The following ZNF490 variants were observed in gnomAD, a reference collection of about 807,000 sequenced individuals.
ZNF490 encodes the protein zinc finger protein 490.
In ZNF490, 11 loss-of-function variants were observed where a neutral mutation model predicts 17.7. The ratio of observed to expected loss-of-function variants is 0.62; its 90% confidence interval spans 0.39 to 1.03. The LOEUF (loss-of-function observed/expected upper bound fraction) is 1.03. Among genes scored for constraint, ZNF490 ranks in the 50% least tolerant of loss-of-function variants. The probability of loss-of-function intolerance (pLI) is 0.00; values close to 1 mark genes in which losing one functional copy is unlikely to be tolerated. For missense variants in ZNF490, 542 were observed against 643.4 expected (o/e 0.84, Z 1.71); for synonymous variants, 222 against 216.1 (o/e 1.03, Z -0.24).
Position 12,580,491 on chromosome 19 carries a change from C to T in ZNF490, c.1584G>A (p.Lys528=), listed in dbSNP as rs371573362. 39 of 1,585,490 alleles carry T rather than the reference C, an allele frequency of 2.5e-5. No homozygotes were observed. The East Asian group carries it at 6.9e-4, about 28-fold the overall frequency. ...HVHERTHSRQ[K]P ...ATTACCACACTTTACTTTCTTAGGG[C>T]TTCTGTCTACTATGAGTCCTTTCGT... is the stretch of plus-strand genomic sequence containing the variant. The change falls in exon 5 of 5, where the codon AAG becomes AAA. Residue 528 remains lysine (K), a synonymous_variant. Coordinates refer to ENST00000311437, the MANE Select transcript of ZNF490 (RefSeq NM_020714.3).
chr19:12,603,580 C>T (rs1429775319), intron 2 of ZNF490, among the ~76,000 whole-genome samples: 1 of 152,028 alleles, frequency 6.6e-6, no homozygotes, highest in East Asian at 1.9e-4. Flanking sequence ...TGCTTGAGCT[C>T]AGGTGTTTGA....
At chr19:12,601,258 G>A (rs1249035246) in intron 2 of ZNF490, among the ~76,000 whole-genome samples, 1 of 151,484 alleles carries the variant, frequency 6.6e-6, no homozygotes, top group Admixed American at 6.6e-5. Context: ...CGTGGTGGCG[G>A]GCACCTGTAG....
rs1167445925 is a variant in ZNF490 at position 12,580,906 on chromosome 19, T to C, written c.1169A>G (p.Tyr390Cys). 1 of 1,614,118 alleles carries C rather than the reference T, an allele frequency of 6.2e-7. No homozygotes were observed. The highest frequency in any genetic ancestry group is 8.5e-7 in the Non-Finnish European group (1 of 1,180,050). The change falls in exon 5 of 5, where the codon TAT (tyrosine) becomes TGT (cysteine). Residue 390 changes from tyrosine to cysteine, a missense_variant. Transcript: ENST00000311437. Reference protein sequence around the residue: ...HERTHFGEKPYECKQCGKAFN... With the variant: ...HERTHFGEKPCECKQCGKAFN... ...GGCTTTACCACATTGTTTACATTCA[T>C]AGGGTTTTTCTCCAAAATGAGTTCT...
chr19:12,583,753 TGC>T (rs1405600987), intron 2 of ZNF490, among the ~76,000 whole-genome samples, 197 bp from the exon 3 acceptor site: 1,555 of 65,016 alleles, frequency 0.024, 35 homozygotes, highest in African/African-American at 0.034. Context: ...CAAAAATTAT[TGC>T]GCTCTCTCTC....
intron 4 of ZNF490, 62 bp downstream of exon 4, chr19:12,582,788 G>T: frequency 7.4e-7 from 1 of 1,355,328 alleles, no homozygotes; most frequent in South Asian, 1.2e-5. Context: ...CTTGGCTTTT[G>T]AAATTTATGA....
rs769105299 is a variant in ZNF490 at position 12,581,701 on chromosome 19, C to A, written c.374G>T (p.Cys125Phe). The change falls in exon 5 of 5, where the codon TGT (cysteine) becomes TTT (phenylalanine). Residue 125 changes from cysteine (C) to phenylalanine (F), a missense_variant. By Grantham distance (205) the Cys-to-Phe change is radical. Transcript: ENST00000311437. ...ACATGGACAATCTTCTTTATTTTCA[C>A]AGAGTGCTTCAACCATAGGACTTCT... ...NLRSPMVEAL[C>F]ENKEDCPCGK... The A allele has an allele frequency of 6.2e-7, 1 of 1,612,796 alleles. No homozygotes were observed. The highest frequency in any genetic ancestry group is 8.5e-7 in the Non-Finnish European group (1 of 1,179,214).
chr19:12,600,985 G>A (rs2022994945), intron 2 of ZNF490, among the ~76,000 whole-genome samples: 1 of 151,880 alleles, frequency 6.6e-6, no homozygotes, highest in African/African-American at 2.4e-5. Context: ...AGCTACTTGG[G>A]AGGCTGAGGT....
At chr19:12,589,768 C>T (rs1462773129) in intron 2 of ZNF490, among the ~76,000 whole-genome samples, 1 of 151,970 alleles carries the variant, frequency 6.6e-6, no homozygotes, top group African/African-American at 2.4e-5. Flanking sequence ...AAAGTACATA[C>T]AAGAAACCTG....
intron 2 of ZNF490, among the ~76,000 whole-genome samples, chr19:12,590,227 T>A (rs1292494951): frequency 6.9e-6 from 1 of 144,018 alleles, no homozygotes; most frequent in African/African-American, 2.6e-5. Flanking sequence ...TTTTTTTTTT[T>A]CTTTGAGATG....
rs570042919 is a variant in ZNF490 at position 12,578,501 on chromosome 19, G to T, written c.*1984C>A. 3.0e-6 allele frequency: 3 copies of T among 985,294 alleles called. No individual in the cohort carries two copies. The highest frequency in any genetic ancestry group is 1.2e-4 in the Admixed American group (2 of 16,256). 61.0% of individuals were successfully genotyped at this position (985,294 alleles called of 1,614,324 possible). A position where few individuals can be genotyped will look rare whatever the true frequency, so the allele number is the denominator to read the frequency against. On this transcript the variant is annotated 3_prime_UTR_variant, in exon 5 of 5. Coordinates refer to ENST00000311437, the MANE Select transcript of ZNF490 (RefSeq NM_020714.3). The stretch of plus-strand genomic sequence containing the variant: ...AATTCAGATGTGAATGTTTAAACAA[G>T]TGTCCAAAGTGTAGGTTTGAGATGG...
In ZNF490 at chr19:12,578,171, C is replaced by G. The variant is rs948208340; in HGVS notation, c.*2314G>C. 2.0e-6 allele frequency: 2 copies of G among 985,348 alleles called. No individual in the cohort carries two copies. Among genetic ancestry groups the G allele is most frequent in the Non-Finnish European group, 2.4e-6 (2 of 829,990 alleles). 61.0% of individuals were successfully genotyped at this position (985,348 alleles called of 1,614,324 possible). The stretch of plus-strand genomic sequence containing the variant: ...TGGAGCAGGATGCATGTGACATGCA[C>G]TGACGTGAGAAGGCCGGAGCATCAT... On this transcript the variant is annotated 3_prime_UTR_variant, in exon 5 of 5. Coordinates refer to ENST00000311437, the MANE Select transcript of ZNF490 (RefSeq NM_020714.3).
At position 12,583,454 on chromosome 19, in the gene ZNF490, T is replaced by G. The variant is rs751149074; in HGVS notation, c.265A>C (p.Thr89Pro). 8.1e-6 allele frequency: 13 copies of G among 1,605,260 alleles called. No homozygotes were observed. The highest frequency in any genetic ancestry group is 1.1e-5 in the Non-Finnish European group (13 of 1,174,406). ...RNIYRDVMRATFKNLACIGEK... is the reference protein window; with the variant it reads ...RNIYRDVMRAPFKNLACIGEK... The stretch of plus-strand genomic sequence containing the variant: ...CCTATACAGGCCAGGTTCTTGAAGG[T>G]TGCCCGCATCACATCTCTGTAGATA... Residue 89 changes from threonine (T) to proline (P), a missense_variant, in exon 3 of 5, where the codon ACC (threonine) becomes CCC (proline). Physicochemically the swap from Thr to Pro is conservative, Grantham distance 38. Transcript: ENST00000311437.
At chr19:12,600,935 C>A (rs1568282188) in intron 2 of ZNF490, among the ~76,000 whole-genome samples, 1 of 151,854 alleles carries the variant, frequency 6.6e-6, no homozygotes, top group Non-Finnish European at 1.5e-5. Context: ...CCAAAAAATA[C>A]AAAAATTAGC....
At chr19:12,591,899 G>A (rs1283091157) in intron 2 of ZNF490, among the ~76,000 whole-genome samples, 1 of 150,328 alleles carries the variant, frequency 6.7e-6, no homozygotes, top group South Asian at 2.1e-4. Context: ...TTACTAAAAA[G>A]AGTTGAAAAT....
intron 2 of ZNF490, among the ~76,000 whole-genome samples, chr19:12,596,633 T>G (rs1017289514): frequency 3.3e-5 from 5 of 151,952 alleles, no homozygotes; most frequent in Non-Finnish European, 7.4e-5. Context: ...CCACCGCACT[T>G]CAGCCTGGGC....
chr19:12,594,474 A>G (rs1018900134), intron 2 of ZNF490, among the ~76,000 whole-genome samples: 7 of 151,864 alleles, frequency 4.6e-5, no homozygotes, highest in African/African-American at 1.2e-4. Context: ...TCAAAAAAAA[A>G]AAAAGAAAAG....
At chr19:12,601,817 C>G (rs1214202764) in intron 2 of ZNF490, among the ~76,000 whole-genome samples, 1 of 150,994 alleles carries the variant, frequency 6.6e-6, no homozygotes, top group Non-Finnish European at 1.5e-5. Flanking sequence ...ATGGTGAAAC[C>G]CTGTCTCTAC....
At position 12,598,741 on chromosome 19, in the gene ZNF490, C is replaced by T. The variant is rs2022964914; in HGVS notation, c.162+10417G>A. 2.0e-5 allele frequency among the ~76,000 whole-genome samples: 3 copies of T among 151,524 alleles called. No homozygotes were observed. The South Asian group carries it at 6.3e-4, about 32-fold the overall frequency. ...CGGTGGCTCATGCCTGTAATCCCAGCACTTTGGGAGGCTGAGGCAGGCGGA... is the reference window on the plus strand; with the variant it reads ...CGGTGGCTCATGCCTGTAATCCCAGTACTTTGGGAGGCTGAGGCAGGCGGA... On this transcript the variant is annotated intron_variant, in intron 2 of 4. Coordinates refer to ENST00000311437, the MANE Select transcript of ZNF490 (RefSeq NM_020714.3).
At position 12,580,716 on chromosome 19, in the gene ZNF490, C is replaced by G. The variant is rs757208480; in HGVS notation, c.1359G>C (p.Arg453=). 1 of 1,613,998 alleles carries G rather than the reference C, an allele frequency of 6.2e-7. No individual in the cohort carries two copies. Among genetic ancestry groups the G allele is most frequent in the Non-Finnish European group, 8.5e-7 (1 of 1,180,004 alleles). The part of the protein sequence containing the change: ...EKPYECKQCG[R]VFIYFSHLRR... The stretch of plus-strand genomic sequence containing the variant: ...GAAGGTGACTGAAGTAAATGAAGAC[C>G]CGACCACACTGTTTGCATTCATAGG... The change falls in exon 5 of 5, where the codon CGG becomes CGC. Residue 453 remains arginine (R), a synonymous_variant. Transcript: ENST00000311437.
Sources: allele counts gnomAD v4.1 joint callset (sites outside exome capture counted in the v4.1 genomes callset), GRCh38; gene constraint gnomAD v4.1.1; transcripts MANE v1.5; gene names NCBI Gene and HGNC (gene_info 2026-07-23, HGNC 2026-07-21).